The following SLC4A8 variants were observed in gnomAD, a reference collection of about 807,000 sequenced individuals.
SLC4A8 encodes the protein electroneutral sodium bicarbonate exchanger 1.
In SLC4A8, 40 loss-of-function variants were observed where a neutral mutation model predicts 125.0. That is an observed-to-expected ratio of 0.32 (90% CI 0.25 to 0.42). The LOEUF (loss-of-function observed/expected upper bound fraction) is 0.42. Ranked by LOEUF, SLC4A8 falls within the 10% of genes least tolerant of loss-of-function variation. The probability of loss-of-function intolerance (pLI) is 1.00; values close to 1 mark genes in which losing one functional copy is unlikely to be tolerated. For synonymous variants in SLC4A8, 456 were observed against 476.0 expected (o/e 0.96, Z 0.55); for missense variants, 863 against 1,355.1 (o/e 0.64, Z 5.70).
intron 1 of SLC4A8, 113 bp downstream of exon 1, chr12:51,425,148 A>T: frequency 6.9e-7 from 1 of 1,458,564 alleles, no homozygotes; most frequent in Non-Finnish European, 9.1e-7. Context: ...CCGCTCCCTG[A>T]GGGCGAGGGG....
chr12:51,395,828 A>G (rs1361178677), intron 1 of SLC4A8, among the ~76,000 whole-genome samples: 1 of 152,184 alleles, frequency 6.6e-6, no homozygotes, highest in Non-Finnish European at 1.5e-5. Flanking sequence ...GCAGTTAATG[A>G]TACCTGGGGT....
intron 2 of SLC4A8, among the ~76,000 whole-genome samples, chr12:51,450,314 T>G (rs1949923788): frequency 6.6e-6 from 1 of 152,196 alleles, no homozygotes; most frequent in Non-Finnish European, 1.5e-5. Context: ...TAACCTTATT[T>G]ACTGCTTATG....
At chr12:51,495,194 T>G (rs571804630) in intron 21 of SLC4A8, 76 bp downstream of exon 21, 1 of 1,291,902 alleles carries the variant, frequency 7.7e-7, no homozygotes, top group East Asian at 2.5e-5. Flanking sequence ...ACTTTAAAAT[T>G]TACCATTTTT....
chr12:51,478,517 G>T lies in SLC4A8; in HGVS notation c.2172+3311G>T, dbSNP rs150660192. Among the ~76,000 whole-genome samples, 286 of 152,176 alleles carry T rather than the reference G, an allele frequency of 1.9e-3. 7 individuals are homozygous for T. The East Asian group carries it at 0.047, about 25-fold the overall frequency. On this transcript the variant is annotated intron_variant, in intron 16 of 24. Transcript: ENST00000453097. Reference sequence around the variant, plus strand: ...ATCCTTTCCATTTTGGTTTATTTCAGTATTTTAGTTGCAACCTGGGATTAA... The same window carrying T: ...ATCCTTTCCATTTTGGTTTATTTCATTATTTTAGTTGCAACCTGGGATTAA...
intron 21 of SLC4A8, among the ~76,000 whole-genome samples, chr12:51,496,387 A>G (rs1161554828): frequency 6.6e-6 from 1 of 152,218 alleles, no homozygotes; most frequent in Non-Finnish European, 1.5e-5. Context: ...TGCCCTGGAC[A>G]TACCTTTATC....
chr12:51,395,390 G>A (rs1037012866), intron 1 of SLC4A8, among the ~76,000 whole-genome samples: 1 of 151,948 alleles, frequency 6.6e-6, no homozygotes, highest in Non-Finnish European at 1.5e-5. Context: ...TTAGATTCGG[G>A]TTTTGGGTGT....
chr12:51,495,995 C>T (rs1951450944), intron 21 of SLC4A8, among the ~76,000 whole-genome samples: 1 of 152,084 alleles, frequency 6.6e-6, no homozygotes, highest in Admixed American at 6.5e-5. Flanking sequence ...GGGGTATATG[C>T]CAGGAGTGGA....
At chr12:51,479,457 TG>T (rs1950954127) in intron 16 of SLC4A8, among the ~76,000 whole-genome samples, 1 of 151,774 alleles carries the variant, frequency 6.6e-6, no homozygotes, top group African/African-American at 2.4e-5. Flanking sequence ...GAGGCCAAGG[TG>T]GGTGGATTGC....
At chr12:51,465,804 C>T (rs1800050351) in intron 11 of SLC4A8, among the ~76,000 whole-genome samples, 1 of 152,196 alleles carries the variant, frequency 6.6e-6, no homozygotes, top group South Asian at 2.1e-4. Flanking sequence ...ATCACATTTC[C>T]AGGCCAGCTC....
At chr12:51,417,095 CT>C (rs1251687955) in intron 1 of SLC4A8, among the ~76,000 whole-genome samples, 12 of 150,956 alleles carry the variant, frequency 7.9e-5, no homozygotes, top group East Asian at 4.0e-4. Context: ...GTGAGACCCC[CT>C]GTCTCAAAAA....
In SLC4A8 at chr12:51,432,910, T is replaced by C. The variant is rs141216675; in HGVS notation, c.49-7798T>C. ...AAAACACTGAAAAAGATGAAAGGGT[T>C]CTTTGAGGTAAAAAGTCTGAGACCT... On this transcript the variant is annotated intron_variant, in intron 1 of 24. Transcript: ENST00000453097. Among the ~76,000 whole-genome samples the C allele has an allele frequency of 1.5e-3, 221 of 152,230 alleles. 1 individual carries two copies. The highest frequency in any genetic ancestry group is 5.1e-3 in the African/African-American group (213 of 41,536).
Position 51,497,058 on chromosome 12 carries a change from T to C in SLC4A8, c.3015T>C (p.Asp1005=), listed in dbSNP as rs1438143134. The C allele has an allele frequency of 1.2e-6, 2 of 1,614,016 alleles. No individual in the cohort carries two copies. The highest frequency in any genetic ancestry group is 1.7e-6 in the Non-Finnish European group (2 of 1,180,020). ...CFSKRELSWL[D]DLMPESKKKK... Reference sequence around the variant, plus strand: ...CTAAGCGAGAGCTGAGCTGGCTAGATGATCTCATGCCTGAAAGCAAAAAGA... The same window carrying C: ...CTAAGCGAGAGCTGAGCTGGCTAGACGATCTCATGCCTGAAAGCAAAAAGA... The change falls in exon 22 of 25, where the codon GAT becomes GAC. Residue 1005 remains aspartate (D), a synonymous_variant. Coordinates refer to ENST00000453097, the MANE Select transcript of SLC4A8 (RefSeq NM_001039960.3).
intron 16 of SLC4A8, among the ~76,000 whole-genome samples, chr12:51,484,422 C>A (rs1043599590): frequency 9.9e-5 from 15 of 152,150 alleles, no homozygotes; most frequent in Non-Finnish European, 1.5e-4. Context: ...TGGATGTCCC[C>A]TGGGATGTAC....
intron 2 of SLC4A8, among the ~76,000 whole-genome samples, chr12:51,441,573 C>T (rs995298405): frequency 1.3e-5 from 2 of 152,188 alleles, no homozygotes; most frequent in African/African-American, 4.8e-5. Flanking sequence ...GAGGAAGGCT[C>T]ATGTCCAGTA....
intron 16 of SLC4A8, chr12:51,480,450 T>C (rs886469893): frequency 2.7e-6 from 3 of 1,100,318 alleles, no homozygotes; most frequent in East Asian, 9.8e-5. Flanking sequence ...GTCAACTGAT[T>C]ATCAGCTTGT....
chr12:51,473,919 T>A (rs942381552), intron 14 of SLC4A8, among the ~76,000 whole-genome samples: 1 of 152,202 alleles, frequency 6.6e-6, no homozygotes, highest in Non-Finnish European at 1.5e-5. Flanking sequence ...AATAAGATAT[T>A]CAGGCTTGGA....
intron 3 of SLC4A8, 116 bp from the exon 4 acceptor site, chr12:51,452,008 T>C: frequency 1.3e-5 from 12 of 954,098 alleles, no homozygotes; most frequent in Non-Finnish European, 1.7e-5. Context: ...GAAATCTTTT[T>C]CTTCTGCATT....
At chr12:51,418,962 T>G (rs906642865) in intron 1 of SLC4A8, among the ~76,000 whole-genome samples, 5 of 152,168 alleles carry the variant, frequency 3.3e-5, no homozygotes, top group African/African-American at 1.2e-4. Flanking sequence ...TCCCATCTTA[T>G]GGGAAAGGCT....
intron 4 of SLC4A8, among the ~76,000 whole-genome samples, chr12:51,452,477 T>A (rs2271150): frequency 4.6e-4 from 70 of 152,234 alleles, no homozygotes; most frequent in African/African-American, 1.5e-3. Context: ...ATGGGATTGG[T>A]GAAATAACAT....
Sources: gnomAD v4.1 joint callset for allele counts (sites outside exome capture counted in the v4.1 genomes callset) on GRCh38, gnomAD v4.1.1 for gene constraint, MANE v1.5 for transcripts, NCBI Gene and HGNC (gene_info 2026-07-23, HGNC 2026-07-21) for gene names.